SLC22A25: variants seen among roughly 807,000 people sequenced by gnomAD.
SLC22A25 encodes MGI:2442751, MGI:2385316, MGI:3042283, MGI:3645714, MGI:3605624, MGI:2442750.
SLC22A25 carries 44 observed loss-of-function variants against 45.9 expected under a neutral mutation model. That is an observed-to-expected ratio of 0.96 (90% confidence interval 0.75 to 1.23). The LOEUF is 1.23. SLC22A25 is among the 50% of genes most tolerant of loss of function. The probability of loss-of-function intolerance (pLI) is 0.00; values close to 1 mark genes in which losing one functional copy is unlikely to be tolerated. For missense variants in SLC22A25, 800 were observed against 666.4 expected (o/e 1.20, Z -2.21); for synonymous variants, 283 against 238.6 (o/e 1.19, Z -1.72).
intron 7 of SLC22A25, among the ~76,000 whole-genome samples, chr11:63,216,551 G>GA (rs2089715699): frequency 6.6e-6 from 1 of 152,086 alleles, no homozygotes; most frequent in African/African-American, 2.4e-5. Flanking sequence ...CCATAAAAAA[G>GA]AACAAGATTG....
intron 9 of SLC22A25, among the ~76,000 whole-genome samples, chr11:63,168,702 G>A (rs2087770435): frequency 6.6e-6 from 1 of 152,198 alleles, no homozygotes; most frequent in Non-Finnish European, 1.5e-5. Flanking sequence ...TGGTGTACCT[G>A]AAAGTGACAG....
In SLC22A25 at chr11:63,183,952, A is replaced by G. The variant is rs189049555; in HGVS notation, c.831-135T>C. On this transcript the variant is annotated intron_variant, in intron 7 of 11. Transcript: ENST00000306494. ...TGGTTATACCAGGAAATAAAAGCCT[A>G]CATTCTCTTGTGCCATCACCAGGAA... 280 of 1,257,634 alleles carry G rather than the reference A, an allele frequency of 2.2e-4. No individual in the cohort carries two copies. In the African/African-American group the frequency reaches 3.7e-3, roughly 17 times the overall value. The allele number at this position is 1,257,634 out of a possible 1,614,324, so 77.9% of individuals were successfully genotyped here.
chr11:63,203,246 T>C (rs1432660276), intron 7 of SLC22A25, among the ~76,000 whole-genome samples: 1 of 151,942 alleles, frequency 6.6e-6, no homozygotes, highest in Non-Finnish European at 1.5e-5. Context: ...CAAGAATGCC[T>C]CTTCTCCAAA....
At chr11:63,202,522 A>T (rs1416813233) in intron 7 of SLC22A25, among the ~76,000 whole-genome samples, 1 of 152,198 alleles carries the variant, frequency 6.6e-6, no homozygotes, top group Non-Finnish European at 1.5e-5. Flanking sequence ...CTCACAGTGT[A>T]AACAAAGACA....
chr11:63,192,168 A>G (rs1201292880), intron 7 of SLC22A25, among the ~76,000 whole-genome samples: 1 of 152,174 alleles, frequency 6.6e-6, no homozygotes. Context: ...GCCAGAAGAG[A>G]TTGGGGATGA....
chr11:63,195,036 C>A (rs1415087119), intron 7 of SLC22A25, among the ~76,000 whole-genome samples: 1 of 150,314 alleles, frequency 6.7e-6, no homozygotes, highest in Admixed American at 6.7e-5. Flanking sequence ...GGGATCAATG[C>A]AACAAGAAGA....
At chr11:63,173,705 G>A (rs576240797) in intron 9 of SLC22A25, among the ~76,000 whole-genome samples, 2 of 152,140 alleles carry the variant, frequency 1.3e-5, no homozygotes, top group African/African-American at 4.8e-5. Flanking sequence ...ACTTCCTTAT[G>A]TATACTGCTC....
At chr11:63,173,881 A>G (rs1262587619) in intron 9 of SLC22A25, among the ~76,000 whole-genome samples, 1 of 149,378 alleles carries the variant, frequency 6.7e-6, no homozygotes, top group East Asian at 2.0e-4. Flanking sequence ...CTAGCTATTC[A>G]AGGTTGGATT....
At chr11:63,196,389 T>C (rs4258381) in intron 7 of SLC22A25, among the ~76,000 whole-genome samples, 75,298 of 151,908 alleles carry the variant, frequency 0.5, 19,483 homozygotes, top group Non-Finnish European at 0.57. Flanking sequence ...CAGCAGCACA[T>C]CAAAAACCTT....
At chr11:63,201,009 G>T (rs1037001659) in intron 7 of SLC22A25, among the ~76,000 whole-genome samples, 4 of 152,094 alleles carry the variant, frequency 2.6e-5, no homozygotes, top group Non-Finnish European at 1.5e-5. Flanking sequence ...AATCAGAGAT[G>T]ATACAAACAG....
At chr11:63,202,020 C>T (rs1269324117) in intron 7 of SLC22A25, among the ~76,000 whole-genome samples, 3 of 152,112 alleles carry the variant, frequency 2.0e-5, no homozygotes, top group Admixed American at 1.3e-4. Flanking sequence ...TGGGACATCA[C>T]CTTGCCTGGG....
At chr11:63,165,500 A>G (rs183132450) in intron 10 of SLC22A25, among the ~76,000 whole-genome samples, 70 of 152,322 alleles carry the variant, frequency 4.6e-4, no homozygotes, top group African/African-American at 1.6e-3. Flanking sequence ...CCTACTGGAC[A>G]TTTCTGTACA....
intron 5 of SLC22A25, among the ~76,000 whole-genome samples, chr11:63,226,517 A>T (rs1407987795): frequency 6.6e-6 from 1 of 152,028 alleles, no homozygotes; most frequent in African/African-American, 2.4e-5. Flanking sequence ...CTCTGTTCTG[A>T]GCTGCTTGTA....
chr11:63,211,136 C>T (rs1005452539), intron 7 of SLC22A25, among the ~76,000 whole-genome samples: 3 of 152,128 alleles, frequency 2.0e-5, no homozygotes, highest in Middle Eastern at 3.2e-3. Context: ...CCTGGACTTG[C>T]TGCAAACAGA....
At position 63,229,533 on chromosome 11, in the gene SLC22A25, G is replaced by A. The variant is rs182226851; in HGVS notation, c.120C>T (p.Phe40=). The change falls in exon 4 of 12, where the codon TTC becomes TTT. Residue 40 remains phenylalanine, a synonymous_variant. Transcript: ENST00000306494. ...IVYHQTQLEN[F]AAFILDHRCW... ...AGCGATGATCAAGTATGAATGCTGC[G>A]AAGTTCTCCAGCTGAGTTTGATGGT... is the stretch of plus-strand genomic sequence containing the variant. 1.4e-4 allele frequency: 228 copies of A among 1,614,056 alleles called. No homozygotes were observed. The highest frequency in any genetic ancestry group is 3.7e-4 in the Admixed American group (22 of 60,004).
At chr11:63,202,247 G>A (rs1010642924) in intron 7 of SLC22A25, among the ~76,000 whole-genome samples, 3 of 151,856 alleles carry the variant, frequency 2.0e-5, no homozygotes, top group African/African-American at 7.3e-5. Context: ...GCTAGCTGCA[G>A]GAGTTTTTTT....
chr11:63,189,223 G>T (rs938645785), intron 7 of SLC22A25, among the ~76,000 whole-genome samples: 1 of 152,096 alleles, frequency 6.6e-6, no homozygotes, highest in Non-Finnish European at 1.5e-5. Flanking sequence ...ATGAATCTGG[G>T]TACTCCTGTA....
At chr11:63,168,303 G>A (rs796891411) in intron 9 of SLC22A25, among the ~76,000 whole-genome samples, 16 of 152,260 alleles carry the variant, frequency 1.1e-4, no homozygotes, top group African/African-American at 3.9e-4. Context: ...GCATTAAACT[G>A]GATGGAGAAT....
rs1489069159 is a variant in SLC22A25, at chr11:63,183,817, C to A, written c.831G>T (p.Arg277Ser). Residue 277 changes from arginine to serine, a missense_variant and splice_region_variant, in exon 8 of 12, where the codon AGG (arginine) becomes AGT (serine). Transcript: ENST00000306494. ...GCCACCGAGCAGACTCTGCCAGCCA[C>A]CTGAGCAAAGAAGAGGACAGAGGTG... ...APCFVFFLFS[R>S]WLAESARWLI... The A allele has an allele frequency of 6.2e-7, 1 of 1,612,946 alleles. No individual in the cohort carries two copies. Among genetic ancestry groups the A allele is most frequent in the East Asian group, 2.2e-5 (1 of 44,850 alleles).
Sources: allele counts gnomAD v4.1 joint callset (sites outside exome capture counted in the v4.1 genomes callset), GRCh38; gene constraint gnomAD v4.1.1; transcripts MANE v1.5; gene names NCBI Gene and HGNC (gene_info 2026-07-23, HGNC 2026-07-21).